Variants in LILRA4 observed in about 807,000 individuals in gnomAD.
The protein encoded by LILRA4 is leukocyte immunoglobulin like receptor A4.
Under a neutral mutation model 49.5 loss-of-function variants are expected in LILRA4, and 51 were observed. The ratio of observed to expected loss-of-function variants is 1.03; its 90% confidence interval spans 0.82 to 1.30. LILRA4 has a LOEUF of 1.30. LILRA4 is among the 50% of genes most tolerant of loss of function. The probability of loss-of-function intolerance (pLI) is 0.00; values close to 1 mark genes in which losing one functional copy is unlikely to be tolerated. For synonymous variants in LILRA4, 272 were observed against 265.6 expected, an observed-to-expected ratio of 1.02 and a Z score of -0.23; for missense variants, 624 against 625.6, an observed-to-expected ratio of 1.00 and a Z score of 0.03.
chr19:54,337,808 A>G (rs973545428), intron 4 of LILRA4, 112 bp from the exon 5 acceptor site: 12 of 1,451,674 alleles, frequency 8.3e-6, no homozygotes, highest in Non-Finnish European at 9.2e-6. Context: ...CTCATTCTGT[A>G]TTTGTGTCCC....
chr19:54,338,507 T>C lies in LILRA4; in HGVS notation c.244A>G (p.Lys82Glu). 6.2e-7 allele frequency: 1 copy of C among 1,614,136 alleles called. No individual in the cohort carries two copies. Among genetic ancestry groups the C allele is most frequent in the African/African-American group, 1.3e-5 (1 of 75,038 alleles). Reference protein sequence around the residue: ...LKTLESENKVKLSIPSMMWEH... With the variant: ...LKTLESENKVELSIPSMMWEH... The stretch of plus-strand genomic sequence containing the variant: ...CACATCATGGATGGGATGGAGAGTT[T>C]GACCTTGTTTTCAGACTCCAGTGTT... The change falls in exon 3 of 8, where the codon AAA becomes GAA. Residue 82 changes from lysine to glutamate, a missense_variant. Coordinates refer to ENST00000291759, the MANE Select transcript of LILRA4 (RefSeq NM_012276.5).
rs561669510 is a variant in LILRA4 at position 54,337,414 on chromosome 19, T to C, written c.938A>G (p.Asp313Gly). ...SEWSAPSDPL[D>G]ILIAGQISDR... ...GGGCTCCTCACCTGCGATCAGGATA[T>C]CCAGGGGGTCACTGGGGGCCGACCA... Residue 313 changes from aspartate to glycine, a missense_variant, in exon 5 of 8, where the codon GAT (aspartate) becomes GGT (glycine). Physicochemically the swap from Asp to Gly is moderately conservative, Grantham distance 94. Coordinates refer to ENST00000291759, the MANE Select transcript of LILRA4 (RefSeq NM_012276.5). 7.5e-4 allele frequency: 1,212 copies of C among 1,611,550 alleles called. 5 individuals carry two copies. The African/African-American group carries it at 0.011, about 14-fold the overall frequency.
In LILRA4 at chr19:54,333,447, G is replaced by C; in HGVS notation, c.*125C>G. On this transcript the variant is annotated 3_prime_UTR_variant, in exon 8 of 8. Coordinates refer to ENST00000291759, the MANE Select transcript of LILRA4 (RefSeq NM_012276.5). ...GAGGAGGAAAGCACCACAGTTTAAT[G>C]GAGGAAGCATCTTCTACAGACACCC... 1.1e-6 allele frequency: 1 copy of C among 912,230 alleles called. No homozygotes were observed. The highest frequency in any genetic ancestry group is 1.7e-6 in the Non-Finnish European group (1 of 587,982). 56.5% of individuals were successfully genotyped at this position (912,230 alleles called of 1,614,324 possible).
Position 54,338,032 on chromosome 19 carries a change from A to G in LILRA4, c.559T>C (p.Phe187Leu), listed in dbSNP as rs2081350530. Reference protein sequence around the residue: ...QALFPMGPLTFSNRGTFRCYG... With the variant: ...QALFPMGPLTLSNRGTFRCYG... ...CATCTGAATGTACCCCTGTTGCTGAAGGTCAGGGGGCCCATGGGGAACAGG... is the reference window on the plus strand; with the variant it reads ...CATCTGAATGTACCCCTGTTGCTGAGGGTCAGGGGGCCCATGGGGAACAGG... Residue 187 changes from phenylalanine (F) to leucine (L), a missense_variant, in exon 4 of 8, where the codon TTC becomes CTC. Transcript: ENST00000291759. The G allele has an allele frequency of 6.2e-7, 1 of 1,613,968 alleles. No homozygotes were observed.
In LILRA4 at chr19:54,338,068, T is replaced by C; in HGVS notation, c.523A>G (p.Lys175Glu). 1 of 1,614,078 alleles carries C rather than the reference T, an allele frequency of 6.2e-7. No individual in the cohort carries two copies. The highest frequency in any genetic ancestry group is 8.5e-7 in the Non-Finnish European group (1 of 1,180,002). The change falls in exon 4 of 8, where the codon AAG becomes GAG. Residue 175 changes from lysine to glutamate, a missense_variant. Physicochemically the swap from Lys to Glu is moderately conservative, Grantham distance 56. Transcript: ENST00000291759. ...CCCATGGGGAACAGGGCCTGGAACT[T>C]TCCATGGTTGTGTTGGTGTGAGTTC... ...TLNSHQHNHGKFQALFPMGPL... is the reference protein window; with the variant it reads ...TLNSHQHNHGEFQALFPMGPL...
At position 54,337,664 on chromosome 19, in the gene LILRA4, G is replaced by T; in HGVS notation, c.688C>A (p.Gln230Lys). 1 of 1,613,230 alleles carries T rather than the reference G, an allele frequency of 6.2e-7. No individual in the cohort carries two copies. Residue 230 changes from glutamine to lysine, a missense_variant, in exon 5 of 8, where the codon CAG becomes AAG. Gln to Lys is a moderately conservative substitution (Grantham distance 53). Transcript: ENST00000291759. The part of the protein sequence containing the change: ...VSRKPSLLTL[Q>K]GPVVTPGENL... Reference sequence around the variant, plus strand: ...TCTCCGGGGGTCACGACAGGGCCCTGCAGGGTCAGGAGGGAGGGCTTCCTA... The same window carrying T: ...TCTCCGGGGGTCACGACAGGGCCCTTCAGGGTCAGGAGGGAGGGCTTCCTA...
In LILRA4 at chr19:54,339,128, A is replaced by C. The variant is rs1271410322; in HGVS notation, c.-35T>G. On this transcript the variant is annotated 5_prime_UTR_variant, in exon 1 of 8. Transcript: ENST00000291759. ...TCCTCCTGGCCCTGGCTGTGCAGGC[A>C]GGTGTGGCCACGGTGCCCGTAGACA... 6.2e-7 allele frequency: 1 copy of C among 1,613,998 alleles called. No individual in the cohort carries two copies. Among genetic ancestry groups the C allele is most frequent in the South Asian group, 1.1e-5 (1 of 91,082 alleles).
Position 54,333,413 on chromosome 19 carries a change from G to A in LILRA4, c.*159C>T. 3 of 706,606 alleles carry A rather than the reference G, an allele frequency of 4.2e-6. No individual in the cohort carries two copies. Among genetic ancestry groups the A allele is most frequent in the Non-Finnish European group, 7.0e-6 (3 of 427,128 alleles). The allele number at this position is 706,606 out of a possible 1,614,324, so 43.8% of individuals were successfully genotyped here. On this transcript the variant is annotated 3_prime_UTR_variant, in exon 8 of 8. Coordinates refer to ENST00000291759, the MANE Select transcript of LILRA4 (RefSeq NM_012276.5). ...ACGAAGGAAGGGGCAGTCAAGGAGAGTCGACAATGAGGAGGAAAGCACCAC... is the reference window on the plus strand; with the variant it reads ...ACGAAGGAAGGGGCAGTCAAGGAGAATCGACAATGAGGAGGAAAGCACCAC...
rs151247385 is a variant in LILRA4, at chr19:54,338,625, A to T, written c.126T>A (p.His42Gln). Residue 42 changes from histidine to glutamine, a missense_variant, in exon 3 of 8, where the codon CAT becomes CAA. By Grantham distance (24) the His-to-Gln change is conservative (BLOSUM62 0). Transcript: ENST00000291759. ...CCTGACACCAGATGGTCACGGGGTT[A>T]TGCCAGGTGATCACGGGACCTGGCT... is the stretch of plus-strand genomic sequence containing the variant. ...WAEPGPVITW[H>Q]NPVTIWCQGT... 6.2e-6 allele frequency: 10 copies of T among 1,613,856 alleles called. No homozygotes were observed. In the African/African-American group the frequency reaches 8.0e-5, roughly 13 times the overall value.
rs376086391 is a variant in LILRA4, at chr19:54,333,526, C to G, written c.*46G>C. On this transcript the variant is annotated 3_prime_UTR_variant, in exon 8 of 8. Transcript: ENST00000291759. ...TCTTCCCCTTGATATTCTCAGCAGA[C>G]ACTTCCCCAACTGCTGCCCCAGTCT... 1.9e-6 allele frequency: 3 copies of G among 1,579,944 alleles called. No individual in the cohort carries two copies. The African/African-American group carries it at 4.1e-5, about 21-fold the overall frequency.
chr19:54,337,128 C>T lies in LILRA4; in HGVS notation c.968G>A (p.Arg323Lys), dbSNP rs553666769. ...DILIAGQISD[R>K]PSLSVQPGPT... ...GCCCGGCTGCACTGAGAGGGAGGGT[C>T]TGTCAGAGATCTGTCCTGGAGAAAA... Residue 323 changes from arginine to lysine, a missense_variant, in exon 6 of 8, where the codon AGA becomes AAA. Coordinates refer to ENST00000291759, the MANE Select transcript of LILRA4 (RefSeq NM_012276.5). 2.5e-5 allele frequency: 40 copies of T among 1,613,244 alleles called. 1 individual carries two copies. In the South Asian group the frequency reaches 3.8e-4, roughly 16 times the overall value.
intron 6 of LILRA4, chr19:54,334,447 A>G (rs1354230361): frequency 1.9e-5 from 3 of 157,794 alleles, no homozygotes; most frequent in African/African-American, 7.2e-5. Context: ...TGTGCGCCTC[A>G]GACAGCTCCC....
chr19:54,339,063 A>G lies in LILRA4; in HGVS notation c.31T>C (p.Phe11Leu), dbSNP rs772428712. MTLILTSLLF[F>L]GLSLGPRTRV... ...CCTCCCCCTCTTAAGATCTCACCAA[A>G]GAAGAGCAGGCTTGTGAGAATGAGG... is the stretch of plus-strand genomic sequence containing the variant. The change falls in exon 1 of 8, where the codon TTT (phenylalanine) becomes CTT (leucine). Residue 11 changes from phenylalanine to leucine, a missense_variant. By Grantham distance (22) the Phe-to-Leu change is conservative (BLOSUM62 0). Coordinates refer to ENST00000291759, the MANE Select transcript of LILRA4 (RefSeq NM_012276.5). 1.9e-6 allele frequency: 3 copies of G among 1,614,174 alleles called. No homozygotes were observed. Among genetic ancestry groups the G allele is most frequent in the Non-Finnish European group, 2.5e-6 (3 of 1,180,014 alleles).
intron 7 of LILRA4, 58 bp from the exon 8 acceptor site, chr19:54,333,823 C>T: frequency 1.9e-6 from 3 of 1,611,878 alleles, no homozygotes; most frequent in Non-Finnish European, 2.5e-6. Flanking sequence ...TTACCAAAGA[C>T]CCCTGGATGT....
intron 6 of LILRA4, 103 bp from the exon 7 acceptor site, chr19:54,334,068 G>T: frequency 1.1e-6 from 1 of 921,232 alleles, no homozygotes; most frequent in Non-Finnish European, 1.7e-6. Context: ...ACTTTATGTA[G>T]ATCCTTAGTG....
At chr19:54,336,749 GAGAC>G (rs770195250) in intron 6 of LILRA4, 88 bp downstream of exon 6, 1 of 1,524,240 alleles carries the variant, frequency 6.6e-7, no homozygotes, top group Admixed American at 2.0e-5. Context: ...GGCAGCAAGT[GAGAC>G]AGACAGACGG....
At position 54,333,607 on chromosome 19, in the gene LILRA4, G is replaced by C. The variant is rs1337888811; in HGVS notation, c.1465C>G (p.Pro489Ala). The part of the protein sequence containing the change: ...QEANSRKDNA[P>A]FRVVEPWEQI ...TCCCAAGGCTCCACCACTCTGAAGG[G>C]TGCATTGTCCTTTCTGCTGTTTGCC... is the stretch of plus-strand genomic sequence containing the variant. The change falls in exon 8 of 8, where the codon CCC (proline) becomes GCC (alanine). Residue 489 changes from proline (P) to alanine (A), a missense_variant. Coordinates refer to ENST00000291759, the MANE Select transcript of LILRA4 (RefSeq NM_012276.5). 6.2e-7 allele frequency: 1 copy of C among 1,613,986 alleles called. No individual in the cohort carries two copies. Among genetic ancestry groups the C allele is most frequent in the Non-Finnish European group, 8.5e-7 (1 of 1,180,028 alleles).
chr19:54,338,183 T>G lies in LILRA4; in HGVS notation c.408A>C (p.Gly136=). Residue 136 remains glycine, a synonymous_variant, in exon 4 of 8, where the codon GGA becomes GGC. Transcript: ENST00000291759. ...SALPSPVVTS[G]VNVTLRCASR... is the part of the protein sequence containing the mutation. Reference sequence around the variant, plus strand: ...AGGCACACCGGAGGGTCACGTTCACTCCTGAGGTCACCACAGGGCTTGGCA... The same window carrying G: ...AGGCACACCGGAGGGTCACGTTCACGCCTGAGGTCACCACAGGGCTTGGCA... The G allele has an allele frequency of 6.2e-7, 1 of 1,613,994 alleles. No homozygotes were observed.
At chr19:54,335,730 C>T (rs1408120214) in intron 6 of LILRA4, 1 of 152,190 alleles carries the variant, frequency 6.6e-6, no homozygotes, top group African/African-American at 2.4e-5. Context: ...CATTCCTGAC[C>T]TCAGGTGATC....
Sources: allele counts gnomAD v4.1 joint callset, GRCh38; gene constraint gnomAD v4.1.1; transcripts MANE v1.5; gene names NCBI Gene and HGNC (gene_info 2026-07-23, HGNC 2026-07-21).